Variants in NEGR1 observed in about 807,000 individuals in gnomAD.
NEGR1 encodes the protein IgLON family member 4.
A neutral mutation model predicts 40.9 loss-of-function variants in NEGR1; 10 were observed. That is an observed-to-expected ratio of 0.24 (90% CI 0.15 to 0.42). NEGR1 has a LOEUF of 0.42. Among genes scored for constraint, NEGR1 ranks in the 10% least tolerant of loss-of-function variants. The pLI, the probability that NEGR1 is intolerant of heterozygous loss-of-function variation, is 1.00. For missense variants in NEGR1, 352 were observed against 438.9 expected, an observed-to-expected ratio of 0.80 and a Z score of 1.77; for synonymous variants, 185 against 166.8, an observed-to-expected ratio of 1.11 and a Z score of -0.84.
At chr1:71,721,378 A>G (rs1276391928) in intron 3 of NEGR1, among the ~76,000 whole-genome samples, 1 of 152,188 alleles carries the variant, frequency 6.6e-6, no homozygotes, top group Non-Finnish European at 1.5e-5. Flanking sequence ...ATCAGTAAAT[A>G]TAAACTGAAT....
chr1:72,195,971 C>A lies in NEGR1; in HGVS notation c.176+86348G>T, dbSNP rs28520203. ...CATTAACTAGGTAAATTAGTGCCTTCCTCCCTCAGGTTCACTCACTCCCTT... is the reference window on the plus strand; with the variant it reads ...CATTAACTAGGTAAATTAGTGCCTTACTCCCTCAGGTTCACTCACTCCCTT... On this transcript the variant is annotated intron_variant, in intron 1 of 6. Transcript: ENST00000357731. Among the ~76,000 whole-genome samples, 458 of 152,080 alleles carry A rather than the reference C, an allele frequency of 3.0e-3. 3 individuals are homozygous for A. Among genetic ancestry groups the A allele is most frequent in the African/African-American group, 0.011 (439 of 41,504 alleles).
intron 6 of NEGR1, among the ~76,000 whole-genome samples, chr1:71,413,949 A>G (rs939721916): frequency 6.6e-6 from 1 of 152,166 alleles, no homozygotes; most frequent in African/African-American, 2.4e-5. Context: ...GTTTTGGTAC[A>G]ATACCAATTA....
chr1:72,041,735 T>C (rs1002894076), intron 1 of NEGR1, among the ~76,000 whole-genome samples: 27 of 147,372 alleles, frequency 1.8e-4, no homozygotes, highest in Non-Finnish European at 3.0e-4. Flanking sequence ...TACACACACA[T>C]ATATATATAT....
intron 3 of NEGR1, among the ~76,000 whole-genome samples, chr1:71,699,983 G>A (rs543881111): frequency 6.6e-6 from 1 of 151,924 alleles, no homozygotes; most frequent in African/African-American, 2.4e-5. Context: ...CTGTATGTCC[G>A]ATTAAACCTC....
chr1:72,042,165 C>T (rs558343547), intron 1 of NEGR1, among the ~76,000 whole-genome samples: 4 of 151,680 alleles, frequency 2.6e-5, no homozygotes, highest in Admixed American at 6.6e-5. Context: ...GAGATGGTAT[C>T]TATTTTCTTC....
At chr1:71,814,143 T>A (rs1331230759) in intron 2 of NEGR1, among the ~76,000 whole-genome samples, 1 of 152,164 alleles carries the variant, frequency 6.6e-6, no homozygotes, top group African/African-American at 2.4e-5. Flanking sequence ...CTTGAAGGGA[T>A]GTTGAATTTT....
At chr1:72,085,830 A>T (rs1337789692) in intron 1 of NEGR1, among the ~76,000 whole-genome samples, 1 of 151,488 alleles carries the variant, frequency 6.6e-6, no homozygotes, top group Non-Finnish European at 1.5e-5. Context: ...ATTAGCTGGG[A>T]GTGGTGGTGT....
chr1:71,686,315 C>G (rs1161709387), intron 4 of NEGR1, among the ~76,000 whole-genome samples: 1 of 152,024 alleles, frequency 6.6e-6, no homozygotes, highest in Non-Finnish European at 1.5e-5. Flanking sequence ...AAGTTTGGTT[C>G]CCACTCACCT....
intron 2 of NEGR1, among the ~76,000 whole-genome samples, chr1:71,874,049 A>G (rs2101835959): frequency 6.6e-6 from 1 of 152,252 alleles, no homozygotes; most frequent in African/African-American, 2.4e-5. Context: ...ATTCTAATCT[A>G]GTTTATCCTC....
chr1:71,590,957 T>A (rs369307294), intron 6 of NEGR1, among the ~76,000 whole-genome samples: 1 of 152,136 alleles, frequency 6.6e-6, no homozygotes, highest in Non-Finnish European at 1.5e-5. Context: ...ATAAAATAAC[T>A]AATCAGACAT....
chr1:72,089,478 GTGAT>G (rs1353160080), intron 1 of NEGR1, among the ~76,000 whole-genome samples: 4 of 152,156 alleles, frequency 2.6e-5, no homozygotes, highest in African/African-American at 7.2e-5. Flanking sequence ...GATCATAACT[GTGAT>G]TGATTAATTC....
intron 1 of NEGR1, among the ~76,000 whole-genome samples, chr1:71,954,686 C>A (rs968656283): frequency 2.6e-5 from 4 of 151,990 alleles, no homozygotes; most frequent in Admixed American, 6.6e-5. Flanking sequence ...ATCATTATTT[C>A]TAATGATCAA....
At chr1:71,788,168 T>TA (rs869123312) in intron 2 of NEGR1, among the ~76,000 whole-genome samples, 3 of 152,076 alleles carry the variant, frequency 2.0e-5, no homozygotes, top group Non-Finnish European at 4.4e-5. Flanking sequence ...TTTATTTTTT[T>TA]AAAAAAATAT....
intron 2 of NEGR1, among the ~76,000 whole-genome samples, chr1:71,907,529 G>T (rs537767383): frequency 6.6e-6 from 1 of 152,272 alleles, no homozygotes; most frequent in South Asian, 2.1e-4. Context: ...TGAGGCTGTG[G>T]AGGAAAGGAA....
intron 3 of NEGR1, among the ~76,000 whole-genome samples, chr1:71,715,703 G>A (rs946395046): frequency 6.6e-6 from 1 of 152,166 alleles, no homozygotes; most frequent in Admixed American, 6.5e-5. Context: ...CATAGCAAGA[G>A]TTGCCTTTAT....
At chr1:72,144,417 CTA>C (rs1650829217) in intron 1 of NEGR1, among the ~76,000 whole-genome samples, 1 of 118,678 alleles carries the variant, frequency 8.4e-6, no homozygotes, top group African/African-American at 2.7e-5. Context: ...AATCATAAAA[CTA>C]TAAGAAACAC....
At chr1:71,551,943 C>T (rs997540744) in intron 6 of NEGR1, among the ~76,000 whole-genome samples, 7 of 151,628 alleles carry the variant, frequency 4.6e-5, no homozygotes, top group African/African-American at 1.7e-4. Context: ...TAAAAATAGT[C>T]TTTTTTCTTC....
chr1:71,609,107 G>T (rs1028845063), intron 5 of NEGR1, among the ~76,000 whole-genome samples: 39 of 151,840 alleles, frequency 2.6e-4, no homozygotes, highest in African/African-American at 8.7e-4. Context: ...GGCAAATTCA[G>T]AATTAGTAAA....
At chr1:72,055,364 T>G (rs796322350) in intron 1 of NEGR1, among the ~76,000 whole-genome samples, 7 of 151,326 alleles carry the variant, frequency 4.6e-5, no homozygotes, top group African/African-American at 1.7e-4. Context: ...TCCCTTATAT[T>G]GAACAAAGAA....
Sources: gnomAD v4.1 joint callset for allele counts (sites outside exome capture counted in the v4.1 genomes callset) on GRCh38, gnomAD v4.1.1 for gene constraint, MANE v1.5 for transcripts, NCBI Gene and HGNC (gene_info 2026-07-23, HGNC 2026-07-21) for gene names.